BMPER: variants seen among roughly 807,000 people sequenced by gnomAD.
The protein encoded by BMPER is BMP-binding endothelial regulator protein.
Under a neutral mutation model 87.3 loss-of-function variants are expected in BMPER, and 45 were observed. The observed-to-expected ratio is 0.52, with a 90% CI of 0.41 to 0.66. The LOEUF (loss-of-function observed/expected upper bound fraction) is 0.66, where lower values mean the gene tolerates loss of function less well. Among genes scored for constraint, BMPER ranks in the 30% least tolerant of loss-of-function variants. The probability of loss-of-function intolerance (pLI) is 0.00; values close to 1 mark genes in which losing one functional copy is unlikely to be tolerated. For synonymous variants in BMPER, 326 were observed against 316.2 expected, an observed-to-expected ratio of 1.03 and a Z score of -0.33; for missense variants, 784 against 867.5, an observed-to-expected ratio of 0.90 and a Z score of 1.21.
At chr7:34,008,752 C>T (rs927353122) in intron 6 of BMPER, among the ~76,000 whole-genome samples, 6 of 151,954 alleles carry the variant, frequency 3.9e-5, no homozygotes, top group African/African-American at 1.2e-4. Flanking sequence ...CTATCATGCA[C>T]GGGACTGGCT....
At chr7:33,918,784 A>T (rs989740992) in intron 2 of BMPER, among the ~76,000 whole-genome samples, 1 of 152,224 alleles carries the variant, frequency 6.6e-6, no homozygotes, top group Non-Finnish European at 1.5e-5. Context: ...TCTGGTGCCC[A>T]GTGGGACCCA....
At chr7:33,905,436 T>TCCCCCCCCCCCCCCCCCCC, upstream of BMPER, 1 of 20,338 alleles carries the variant, frequency 4.9e-5, no homozygotes, top group Non-Finnish European at 9.2e-5. Flanking sequence ...CACCTTGGTC[T>TCCCCCCCCCCCCCCCCCCC]CTCCCCCCGC....
chr7:34,147,227 T>C (rs145228297), intron 14 of BMPER, among the ~76,000 whole-genome samples: 1 of 152,300 alleles, frequency 6.6e-6, no homozygotes, highest in East Asian at 1.9e-4. Flanking sequence ...TACACTGAGT[T>C]ATTTCTTGAC....
intron 10 of BMPER, among the ~76,000 whole-genome samples, chr7:34,061,474 C>A (rs1386250940): frequency 6.6e-6 from 1 of 152,160 alleles, no homozygotes; most frequent in Non-Finnish European, 1.5e-5. Flanking sequence ...TTTTCTGAAA[C>A]AAGAAATCTG....
At chr7:33,960,595 T>A (rs1205207762) in intron 3 of BMPER, among the ~76,000 whole-genome samples, 1 of 152,224 alleles carries the variant, frequency 6.6e-6, no homozygotes, top group Non-Finnish European at 1.5e-5. Context: ...TGACTGTTTG[T>A]GTGCTTATTA....
At chr7:34,111,480 G>C (rs932535452) in intron 13 of BMPER, among the ~76,000 whole-genome samples, 9 of 152,204 alleles carry the variant, frequency 5.9e-5, no homozygotes, top group Admixed American at 2.0e-4. Context: ...GGAGGCAGTT[G>C]GGTGGTCTAT....
chr7:34,098,157 C>A (rs561728096), intron 13 of BMPER, among the ~76,000 whole-genome samples: 1 of 152,062 alleles, frequency 6.6e-6, no homozygotes, highest in Non-Finnish European at 1.5e-5. Context: ...TCCATAGAGA[C>A]GCCAGTGTGG....
chr7:34,107,533 G>A (rs1265809280), intron 13 of BMPER, among the ~76,000 whole-genome samples: 2 of 152,198 alleles, frequency 1.3e-5, no homozygotes, highest in African/African-American at 4.8e-5. Context: ...GTCATTTGGA[G>A]CGTTATGTAA....
chr7:33,905,302 G>A (rs368262582), upstream of BMPER, among the ~76,000 whole-genome samples: 2 of 144,532 alleles, frequency 1.4e-5, no homozygotes, highest in Admixed American at 7.1e-5. Flanking sequence ...CTTCCTCCTG[G>A]CCCCCTCTCC....
At chr7:33,963,752 C>T (rs1785333968) in intron 3 of BMPER, among the ~76,000 whole-genome samples, 1 of 152,090 alleles carries the variant, frequency 6.6e-6, no homozygotes, top group African/African-American at 2.4e-5. Context: ...AAGATCGCGC[C>T]ATTGCACTCT....
At chr7:33,924,671 T>C (rs1452085701) in intron 2 of BMPER, among the ~76,000 whole-genome samples, 3 of 151,932 alleles carry the variant, frequency 2.0e-5, no homozygotes, top group African/African-American at 4.8e-5. Flanking sequence ...TCTTTCTTTC[T>C]TTTTTTGAGA....
At chr7:34,015,222 A>G (rs1326758061) in intron 6 of BMPER, among the ~76,000 whole-genome samples, 1 of 151,964 alleles carries the variant, frequency 6.6e-6, no homozygotes, top group Non-Finnish European at 1.5e-5. Context: ...TTCAAATTCC[A>G]TCCCTCTTTT....
At chr7:33,985,897 A>G (rs143111061) in intron 6 of BMPER, among the ~76,000 whole-genome samples, 21 of 152,332 alleles carry the variant, frequency 1.4e-4, no homozygotes, top group African/African-American at 4.8e-4. Flanking sequence ...TGACCTTAGT[A>G]TGCATATGGC....
At chr7:34,045,109 C>A (rs911916940) in intron 6 of BMPER, among the ~76,000 whole-genome samples, 1 of 152,074 alleles carries the variant, frequency 6.6e-6, no homozygotes, top group African/African-American at 2.4e-5. Flanking sequence ...AAGCAACCTG[C>A]GGGTACTAGT....
rs571441126 is a variant in BMPER at position 34,021,760 on chromosome 7, T to A, written c.577-24546T>A. ...TTGATAAACCTCATTCCTGGGGAGA[T>A]GATTATCCTAAGAAAATACCAAGTT... On this transcript the variant is annotated intron_variant, in intron 6 of 14. Coordinates refer to ENST00000649409, the MANE Select transcript of BMPER (RefSeq NM_001365308.1). Among the ~76,000 whole-genome samples, 7 of 152,170 alleles carry A rather than the reference T, an allele frequency of 4.6e-5. No homozygotes were observed. The East Asian group carries it at 1.2e-3, about 25-fold the overall frequency.
chr7:34,156,155 C>A lies in BMPER; in HGVS notation c.*2882C>A, dbSNP rs900634860. Among the ~76,000 whole-genome samples the A allele has an allele frequency of 6.6e-6, 1 of 152,140 alleles. No homozygotes were observed. Among genetic ancestry groups the A allele is most frequent in the Non-Finnish European group, 1.5e-5 (1 of 68,024 alleles). ...GTTGACTGCTTCCTGACCATCAGAC[C>A]GTCCTGTAAGAGGGCATCTTTCAAT... On this transcript the variant is annotated 3_prime_UTR_variant, in exon 15 of 15. Coordinates refer to ENST00000649409, the MANE Select transcript of BMPER (RefSeq NM_001365308.1).
intron 13 of BMPER, among the ~76,000 whole-genome samples, chr7:34,119,935 G>A (rs1790219814): frequency 6.6e-6 from 1 of 152,016 alleles, no homozygotes; most frequent in South Asian, 2.1e-4. Context: ...AAGCATATCA[G>A]ATGAAATAAA....
At chr7:34,126,811 T>A (rs1443761159) in intron 13 of BMPER, among the ~76,000 whole-genome samples, 1 of 152,210 alleles carries the variant, frequency 6.6e-6, no homozygotes, top group Non-Finnish European at 1.5e-5. Context: ...ATAGACATAA[T>A]GCTAGATTTT....
intron 3 of BMPER, among the ~76,000 whole-genome samples, chr7:33,963,201 A>G (rs1010867934): frequency 3.3e-5 from 5 of 152,156 alleles, no homozygotes; most frequent in African/African-American, 1.2e-4. Flanking sequence ...AAACGTCAAC[A>G]CTTGAATATA....
Sources: allele counts gnomAD v4.1 joint callset (sites outside exome capture counted in the v4.1 genomes callset), GRCh38; gene constraint gnomAD v4.1.1; transcripts MANE v1.5; gene names NCBI Gene and HGNC (gene_info 2026-07-23, HGNC 2026-07-21).